The following NUDC variants were observed in gnomAD, a reference collection of about 807,000 sequenced individuals.
NUDC encodes the protein nuclear migration protein nudC.
Under a neutral mutation model 45.0 loss-of-function variants are expected in NUDC, and 14 were observed. That is an observed-to-expected ratio of 0.31 (90% CI 0.21 to 0.49). The LOEUF is 0.49. Ranked by LOEUF, NUDC falls within the 20% of genes least tolerant of loss-of-function variation. The probability of loss-of-function intolerance (pLI) is 0.99; values close to 1 mark genes in which losing one functional copy is unlikely to be tolerated. For synonymous variants in NUDC, 153 were observed against 156.7 expected (o/e 0.98, Z 0.17); for missense variants, 323 against 426.2 (o/e 0.76, Z 2.13).
intron 8 of NUDC, 147 bp downstream of exon 8, chr1:26,945,833 C>G: frequency 1.3e-6 from 1 of 781,814 alleles, no homozygotes; most frequent in South Asian, 1.4e-5. Flanking sequence ...TTTGGCTTGC[C>G]TACTCTTGTC....
chr1:26,922,249 C>T (rs1557671041), intron 1 of NUDC: 1 of 453,484 alleles, frequency 2.2e-6, no homozygotes, highest in Non-Finnish European at 4.1e-6. Context: ...TTAGTAAGAA[C>T]CGTCGCAAAT....
chr1:26,942,223 G>A (rs924638090), intron 4 of NUDC, among the ~76,000 whole-genome samples: 2 of 152,078 alleles, frequency 1.3e-5, no homozygotes, highest in Admixed American at 6.6e-5. Flanking sequence ...CCCGGGAGGC[G>A]GAGGTTGCCA....
At chr1:26,921,550 C>G (rs2082090619), upstream of NUDC, among the ~76,000 whole-genome samples, 1 of 152,226 alleles carries the variant, frequency 6.6e-6, no homozygotes, top group South Asian at 2.1e-4. Flanking sequence ...CAACTCATGC[C>G]AAACTCTCGG....
intron 2 of NUDC, among the ~76,000 whole-genome samples, chr1:26,929,454 T>A (rs931715312): frequency 2.0e-5 from 3 of 152,040 alleles, no homozygotes; most frequent in Non-Finnish European, 4.4e-5. Context: ...TCTAATTACT[T>A]ACATCCGTAG....
At chr1:26,913,287 A>C (rs2082039116) in intron 3 of NUDC, 2 of 920,984 alleles carry the variant, frequency 2.2e-6, no homozygotes, top group African/African-American at 3.3e-5. Context: ...ACTCTGTCTC[A>C]GAAAAATAAA....
chr1:26,912,518 G>A (rs1291727452), intron 3 of NUDC, among the ~76,000 whole-genome samples: 4 of 152,134 alleles, frequency 2.6e-5, no homozygotes, highest in Non-Finnish European at 5.9e-5. Flanking sequence ...TGGTAAGTGT[G>A]ATATGAGTAT....
chr1:26,922,075 TG>T (rs1273403637), intron 1 of NUDC, 146 bp downstream of exon 1: 2 of 823,920 alleles, frequency 2.4e-6, no homozygotes, highest in Non-Finnish European at 3.9e-6. Flanking sequence ...GCTTCCGGCC[TG>T]GCCACCCGCC....
intron 2 of NUDC, among the ~76,000 whole-genome samples, chr1:26,905,178 T>TA (rs2081998019): frequency 7.3e-6 from 1 of 137,244 alleles, no homozygotes. Context: ...TTTTTTTTTT[T>TA]GAGACAGAGC....
intron 3 of NUDC, among the ~76,000 whole-genome samples, chr1:26,914,639 G>C (rs1005767822): frequency 1.3e-5 from 2 of 152,144 alleles, no homozygotes; most frequent in Non-Finnish European, 2.9e-5. Context: ...TGAAAGGCCA[G>C]GTCTGCTGAG....
At chr1:26,929,414 A>G (rs1012990202) in intron 2 of NUDC, among the ~76,000 whole-genome samples, 1 of 111,800 alleles carries the variant, frequency 8.9e-6, no homozygotes, top group African/African-American at 4.4e-5. Context: ...CTGAAAAAAC[A>G]AAAAAAAAAA....
chr1:26,900,184 G>C (rs1186730847), upstream of NUDC: 2 of 1,614,148 alleles, frequency 1.2e-6, no homozygotes, highest in East Asian at 4.5e-5. Context: ...GAGAGAGGCC[G>C]GACATCGGTG....
At chr1:26,900,617 C>T (rs2081973757) in intron 1 of NUDC, among the ~76,000 whole-genome samples, 1 of 152,132 alleles carries the variant, frequency 6.6e-6, no homozygotes, top group African/African-American at 2.4e-5. Flanking sequence ...CAGAGGGAAG[C>T]CGGCGATGAT....
intron 3 of NUDC, among the ~76,000 whole-genome samples, chr1:26,914,999 GTATATGTATATGTATATT>G (rs2082054138): frequency 6.9e-6 from 1 of 144,786 alleles, no homozygotes. Flanking sequence ...ATATGTATAT[GTATATGTATATGTATATT>G]TATATGTATA....
intron 2 of NUDC, among the ~76,000 whole-genome samples, chr1:26,903,739 G>A (rs2081990339): frequency 1.3e-5 from 2 of 151,904 alleles, no homozygotes; most frequent in African/African-American, 2.4e-5. Context: ...AGCCGGGCGC[G>A]GTGGCTCACA....
intron 2 of NUDC, among the ~76,000 whole-genome samples, chr1:26,907,809 G>A (rs951522638): frequency 1.3e-5 from 2 of 152,166 alleles, no homozygotes; most frequent in African/African-American, 4.8e-5. Flanking sequence ...GTTCCAGACC[G>A]CTTGATCCTG....
In NUDC at chr1:26,941,625, G is replaced by A; in HGVS notation, c.328G>A (p.Glu110Lys). 2 of 1,612,516 alleles carry A rather than the reference G, an allele frequency of 1.2e-6. No individual in the cohort carries two copies. The highest frequency in any genetic ancestry group is 8.5e-7 in the Non-Finnish European group (1 of 1,179,236). Reference sequence around the variant, plus strand: ...GCCCCAGATCAAGGAGCTAACTGATGAAGAGGCAGAGAGGCTGCAGCTAGA... The same window carrying A: ...GCCCCAGATCAAGGAGCTAACTGATAAAGAGGCAGAGAGGCTGCAGCTAGA... The part of the protein sequence containing the change: ...SGPQIKELTD[E>K]EAERLQLEID... The change falls in exon 3 of 9, where the codon GAA becomes AAA. Residue 110 changes from glutamate (E) to lysine (K), a missense_variant. By Grantham distance (56) the Glu-to-Lys change is moderately conservative. Transcript: ENST00000321265.
At chr1:26,917,149 T>C (rs2082065812), upstream of NUDC, among the ~76,000 whole-genome samples, 3 of 151,686 alleles carry the variant, frequency 2.0e-5, no homozygotes, top group Non-Finnish European at 4.4e-5. Flanking sequence ...TCCCAGCTAC[T>C]AGAGAGGCTG....
chr1:26,903,041 G>GCA (rs2081987317), intron 2 of NUDC, among the ~76,000 whole-genome samples: 1 of 150,218 alleles, frequency 6.7e-6, no homozygotes, highest in African/African-American at 2.5e-5. Flanking sequence ...AACAGAGCGA[G>GCA]ACTCTGTCTC....
chr1:26,920,013 G>T (rs2082080789), upstream of NUDC, among the ~76,000 whole-genome samples: 1 of 152,148 alleles, frequency 6.6e-6, no homozygotes, highest in African/African-American at 2.4e-5. Context: ...CTAATCTAAA[G>T]GGAGAAGTCT....
Sources: gnomAD v4.1 joint callset for allele counts (sites outside exome capture counted in the v4.1 genomes callset) on GRCh38, gnomAD v4.1.1 for gene constraint, MANE v1.5 for transcripts, NCBI Gene and HGNC (gene_info 2026-07-23, HGNC 2026-07-21) for gene names.